Variants in STARD3 observed in about 807,000 individuals in gnomAD.
The protein encoded by STARD3 is stAR-related lipid transfer protein 3.
In STARD3, 39 loss-of-function variants were observed where a neutral mutation model predicts 62.0. That is an observed-to-expected ratio of 0.63 (90% CI 0.49 to 0.82). STARD3 has a LOEUF of 0.82. Among genes scored for constraint, STARD3 ranks in the 40% least tolerant of loss-of-function variants. The pLI, the probability that STARD3 is intolerant of heterozygous loss-of-function variation, is 0.00. For synonymous variants in STARD3, 229 were observed against 242.4 expected (o/e 0.94, Z 0.51); for missense variants, 543 against 584.5 (o/e 0.93, Z 0.73).
At chr17:39,639,239 T>A (rs2144880485) in intron 1 of STARD3, among the ~76,000 whole-genome samples, 1 of 152,368 alleles carries the variant, frequency 6.6e-6, no homozygotes, top group South Asian at 2.1e-4. Flanking sequence ...AGCCTGGCTC[T>A]TTGCCAATAA....
At chr17:39,651,078 T>C (rs570568106) in intron 1 of STARD3, among the ~76,000 whole-genome samples, 1 of 152,336 alleles carries the variant, frequency 6.6e-6, no homozygotes, top group Non-Finnish European at 1.5e-5. Context: ...CCCCATCGCC[T>C]GTTTCCAGAG....
chr17:39,660,959 GA>G lies in STARD3; in HGVS notation c.1035-20del. ...CTTTGGCCTTGGGTCATTGTCCCCT[GA>G]ACTAACCCTCCCTCCCGCAGGGACT... On this transcript the variant is annotated intron_variant, in intron 12 of 14. Coordinates refer to ENST00000336308, the MANE Select transcript of STARD3 (RefSeq NM_006804.4). The surrounding 1 kb of genome is among the most constrained non-coding windows in gnomAD (Gnocchi z 4.8). 6.2e-7 allele frequency: 1 copy of G among 1,613,170 alleles called. No homozygotes were observed. The highest frequency in any genetic ancestry group is 8.5e-7 in the Non-Finnish European group (1 of 1,179,632).
chr17:39,662,902 G>C lies in STARD3; in HGVS notation c.1332G>C (p.Arg444=), dbSNP rs753366875. The C allele has an allele frequency of 2.1e-5, 34 of 1,611,142 alleles. No homozygotes were observed. Among genetic ancestry groups the C allele is most frequent in the Non-Finnish European group, 5.9e-6 (7 of 1,179,112 alleles). Residue 444 remains arginine, a synonymous_variant, in exon 15 of 15, where the codon CGG becomes CGC. Coordinates refer to ENST00000336308, the MANE Select transcript of STARD3 (RefSeq NM_006804.4). The part of the protein sequence containing the change: ...LRQRISELGA[R]A ...AGCGCATCAGCGAGCTGGGGGCCCGGGCGTGACTGTGCCCCCTCCCACCCT... is the reference window on the plus strand; with the variant it reads ...AGCGCATCAGCGAGCTGGGGGCCCGCGCGTGACTGTGCCCCCTCCCACCCT...
At chr17:39,648,011 C>T (rs572157324) in intron 1 of STARD3, among the ~76,000 whole-genome samples, 11 of 152,072 alleles carry the variant, frequency 7.2e-5, no homozygotes, top group Non-Finnish European at 1.0e-4. Context: ...CATGGCCGGC[C>T]GCGGTGGCTC....
Position 39,654,678 on chromosome 17 carries a change from C to T in STARD3, c.219+928C>T, listed in dbSNP as rs541009729. 4.0e-4 allele frequency among the ~76,000 whole-genome samples: 61 copies of T among 152,352 alleles called. No individual in the cohort carries two copies. The Middle Eastern group carries it at 0.014, about 34-fold the overall frequency. ...TCCCAGCTCCTCCTCGGCTTTGGCC[C>T]GATGACCTCAGCAAGGGACTCAGCC... is the stretch of plus-strand genomic sequence containing the variant. On this transcript the variant is annotated intron_variant, in intron 2 of 14. Coordinates refer to ENST00000336308, the MANE Select transcript of STARD3 (RefSeq NM_006804.4).
At chr17:39,637,981 A>G (rs143206806) in intron 1 of STARD3, among the ~76,000 whole-genome samples, 208 of 152,250 alleles carry the variant, frequency 1.4e-3, no homozygotes, top group Middle Eastern at 3.4e-3. Context: ...TTGCCCATCC[A>G]GCGGCCATTG....
In STARD3 at chr17:39,653,686, C is replaced by T; in HGVS notation, c.155C>T (p.Thr52Ile). 1.2e-6 allele frequency: 2 copies of T among 1,614,230 alleles called. No individual in the cohort carries two copies. Among genetic ancestry groups the T allele is most frequent in the Non-Finnish European group, 1.7e-6 (2 of 1,180,042 alleles). ...AGGGCCATCTCTGATGTCCGCCGCACCTTCTGTCTCTTCGTCACCTTCGAC... is the reference window on the plus strand; with the variant it reads ...AGGGCCATCTCTGATGTCCGCCGCATCTTCTGTCTCTTCGTCACCTTCGAC... ...KRRAISDVRR[T>I]FCLFVTFDLL... is the part of the protein sequence containing the mutation. The change falls in exon 2 of 15, where the codon ACC becomes ATC. Residue 52 changes from threonine (T) to isoleucine (I), a missense_variant. By Grantham distance (89) the Thr-to-Ile change is moderately conservative (BLOSUM62 -1). Coordinates refer to ENST00000336308, the MANE Select transcript of STARD3 (RefSeq NM_006804.4).
At chr17:39,656,467 C>G (rs2057130970) in intron 2 of STARD3, among the ~76,000 whole-genome samples, 2 of 152,180 alleles carry the variant, frequency 1.3e-5, no homozygotes, top group Admixed American at 1.3e-4. Context: ...GGGGCAAGGA[C>G]ACATCCACTC....
At chr17:39,649,344 G>C (rs2057055567) in intron 1 of STARD3, among the ~76,000 whole-genome samples, 1 of 152,152 alleles carries the variant, frequency 6.6e-6, no homozygotes, top group African/African-American at 2.4e-5. Flanking sequence ...TGCGCTCAAG[G>C]TTATTCACTG....
chr17:39,662,540 CCTT>C (rs1241839945), intron 14 of STARD3, 196 bp downstream of exon 14: 2 of 644,292 alleles, frequency 3.1e-6, no homozygotes, highest in Non-Finnish European at 2.7e-6. Context: ...ATGTGCCCCC[CCTT>C]CTTACCTCTG....
At chr17:39,642,189 A>G (rs2056987953) in intron 1 of STARD3, among the ~76,000 whole-genome samples, 1 of 152,246 alleles carries the variant, frequency 6.6e-6, no homozygotes, top group South Asian at 2.1e-4. Context: ...TGACCCCCAT[A>G]GCAAAAAATG....
chr17:39,662,295 G>C lies in STARD3; in HGVS notation c.1184G>C (p.Ser395Thr). The C allele has an allele frequency of 1.2e-6, 2 of 1,614,072 alleles. No individual in the cohort carries two copies. The highest frequency in any genetic ancestry group is 1.3e-5 in the African/African-American group (1 of 75,020). ...GGCTTCATCGTGCTCAAGTCGGCCAGTAACCCCCGTGTTTGCACCTTTGTC... is the reference window on the plus strand; with the variant it reads ...GGCTTCATCGTGCTCAAGTCGGCCACTAACCCCCGTGTTTGCACCTTTGTC... ...PGGFIVLKSA[S>T]NPRVCTFVWI... The change falls in exon 14 of 15, where the codon AGT becomes ACT. Residue 395 changes from serine to threonine, a missense_variant. Ser to Thr is a moderately conservative substitution (Grantham distance 58). Coordinates refer to ENST00000336308, the MANE Select transcript of STARD3 (RefSeq NM_006804.4).
chr17:39,648,088 A>T (rs2057043374), intron 1 of STARD3, among the ~76,000 whole-genome samples: 1 of 151,876 alleles, frequency 6.6e-6, no homozygotes, highest in Admixed American at 6.6e-5. Flanking sequence ...GATTGAGACC[A>T]TCCTAGCTAA....
intron 1 of STARD3, among the ~76,000 whole-genome samples, chr17:39,648,885 A>G (rs1418056361): frequency 6.6e-6 from 1 of 152,210 alleles, no homozygotes; most frequent in Non-Finnish European, 1.5e-5. Context: ...CTCACACCCA[A>G]GCTGCTGCCA....
intron 1 of STARD3, among the ~76,000 whole-genome samples, chr17:39,640,802 G>A (rs1013157683): frequency 1.5e-4 from 23 of 150,792 alleles, no homozygotes; most frequent in African/African-American, 5.3e-4. Flanking sequence ...CACTGCACCC[G>A]CAGAGCCTCC....
Position 39,660,529 on chromosome 17 carries a change from G to A in STARD3, c.954+3G>A. On this transcript the variant is annotated splice_donor_region_variant and intron_variant, in intron 11 of 14. Transcript: ENST00000336308. The surrounding 1 kb of genome is among the most constrained non-coding windows in gnomAD (Gnocchi z 4.8). ...ACAAGACAGTGACTGCCTGCCAGGTGAGCCCAGTCTGGCTGCCTCTTAAGG... is the reference window on the plus strand; with the variant it reads ...ACAAGACAGTGACTGCCTGCCAGGTAAGCCCAGTCTGGCTGCCTCTTAAGG... 3 of 1,613,836 alleles carry A rather than the reference G, an allele frequency of 1.9e-6. No individual in the cohort carries two copies. The highest frequency in any genetic ancestry group is 2.5e-6 in the Non-Finnish European group (3 of 1,179,994).
At chr17:39,644,735 C>G (rs147005258) in intron 1 of STARD3, among the ~76,000 whole-genome samples, 1 of 151,606 alleles carries the variant, frequency 6.6e-6, no homozygotes, top group Non-Finnish European at 1.5e-5. Flanking sequence ...TGGCATCTGC[C>G]TGTAGTCCCA....
At chr17:39,653,997 C>T (rs368405750) in intron 2 of STARD3, among the ~76,000 whole-genome samples, 47 of 152,338 alleles carry the variant, frequency 3.1e-4, no homozygotes, top group African/African-American at 1.1e-3. Flanking sequence ...TTGAACCTAC[C>T]CTCCAGCTGA....
intron 2 of STARD3, among the ~76,000 whole-genome samples, chr17:39,655,349 A>ATTTTTTTTTTT (rs60170620): frequency 7.1e-6 from 1 of 141,162 alleles, no homozygotes. Flanking sequence ...ACATTTGGCT[A>ATTTTTTTTTTT]TTTTTTTTTT....
Sources: allele counts gnomAD v4.1 joint callset (sites outside exome capture counted in the v4.1 genomes callset), GRCh38; gene constraint gnomAD v4.1.1; non-coding constraint Gnocchi (gnomAD v3.1); transcripts MANE v1.5; gene names NCBI Gene and HGNC (gene_info 2026-07-23, HGNC 2026-07-21).